BMP10: variants seen among roughly 807,000 people sequenced by gnomAD.
The protein encoded by BMP10 is bone morphogenetic protein 10.
A neutral mutation model predicts 29.9 loss-of-function variants in BMP10; 9 were observed. The ratio of observed to expected loss-of-function variants is 0.30; its 90% CI spans 0.18 to 0.53. The LOEUF is 0.53. Ranked by LOEUF, BMP10 falls within the 20% of genes least tolerant of loss-of-function variation. The probability of loss-of-function intolerance (pLI) is 0.96; values close to 1 mark genes in which losing one functional copy is unlikely to be tolerated. For synonymous variants in BMP10, 202 were observed against 200.2 expected (o/e 1.01, Z -0.07); for missense variants, 474 against 524.3 (o/e 0.90, Z 0.94).
At chr2:68,867,549 T>G (rs1229363978) in intron 1 of BMP10, among the ~76,000 whole-genome samples, 1 of 152,214 alleles carries the variant, frequency 6.6e-6, no homozygotes, top group East Asian at 1.9e-4. Flanking sequence ...AGAAGCATAC[T>G]TCCAAATACG....
In BMP10 at chr2:68,863,648, A is replaced by C. The variant is rs1409574631; in HGVS notation, c.*1983T>G. Among the ~76,000 whole-genome samples, 1 of 152,172 alleles carries C rather than the reference A, an allele frequency of 6.6e-6. No homozygotes were observed. The highest frequency in any genetic ancestry group is 2.4e-5 in the African/African-American group (1 of 41,436). ...AATCACTGTATACCCACTGACGGTC[A>C]AAACACCACTCTTCCATGAGCAATG... is the stretch of plus-strand genomic sequence containing the variant. On this transcript the variant is annotated 3_prime_UTR_variant, in exon 2 of 2. Transcript: ENST00000295379.
chr2:68,870,076 C>G (rs1285206041), intron 1 of BMP10, among the ~76,000 whole-genome samples: 1 of 152,182 alleles, frequency 6.6e-6, no homozygotes, highest in African/African-American at 2.4e-5. Context: ...TCACTATTAC[C>G]TTTCTTCTTT....
rs1682846016 is a variant in BMP10, at chr2:68,861,087, C to G, written c.*4544G>C. Among the ~76,000 whole-genome samples, 1 of 152,192 alleles carries G rather than the reference C, an allele frequency of 6.6e-6. No homozygotes were observed. Among genetic ancestry groups the G allele is most frequent in the African/African-American group, 2.4e-5 (1 of 41,446 alleles). On this transcript the variant is annotated 3_prime_UTR_variant, in exon 2 of 2. Transcript: ENST00000295379. ...TTTTTTTATTTTACTTAAAAAGACT[C>G]TGAAGGTACACATTTGGTTCATGAA... is the stretch of plus-strand genomic sequence containing the variant.
rs1241377381 is a variant in BMP10, at chr2:68,861,952, A to G, written c.*3679T>C. On this transcript the variant is annotated 3_prime_UTR_variant, in exon 2 of 2. Coordinates refer to ENST00000295379, the MANE Select transcript of BMP10 (RefSeq NM_014482.3). Reference sequence around the variant, plus strand: ...GTCCAATTACAAATGAATTTGACCAATCACATCTCTGAATTTCTGGGTCAG... The same window carrying G: ...GTCCAATTACAAATGAATTTGACCAGTCACATCTCTGAATTTCTGGGTCAG... Among the ~76,000 whole-genome samples the G allele has an allele frequency of 6.6e-6, 1 of 152,246 alleles. No individual in the cohort carries two copies. Among genetic ancestry groups the G allele is most frequent in the Non-Finnish European group, 1.5e-5 (1 of 68,046 alleles).
intron 1 of BMP10, among the ~76,000 whole-genome samples, chr2:68,867,018 T>G (rs148164516): frequency 0.013 from 2,041 of 152,312 alleles, 25 homozygotes; most frequent in Admixed American, 0.02. Flanking sequence ...TTTGTGTTTG[T>G]AGTGGGTGGA....
In BMP10 at chr2:68,864,142, T is replaced by A. The variant is rs571115873; in HGVS notation, c.*1489A>T. 1.4e-4 allele frequency among the ~76,000 whole-genome samples: 21 copies of A among 152,204 alleles called. No homozygotes were observed. The highest frequency in any genetic ancestry group is 5.1e-4 in the African/African-American group (21 of 41,536). ...CCTCACCACTTTCAGTCCTGGCCAG[T>A]TGCAAAATGGGAAGATGGTAAGATG... On this transcript the variant is annotated 3_prime_UTR_variant, in exon 2 of 2. Coordinates refer to ENST00000295379, the MANE Select transcript of BMP10 (RefSeq NM_014482.3).
Position 68,870,986 on chromosome 2 carries a change from GA to G in BMP10, c.334+38del, listed in dbSNP as rs1237772481. 3 of 1,559,338 alleles carry G rather than the reference GA, an allele frequency of 1.9e-6. No homozygotes were observed. In the East Asian group the frequency reaches 6.8e-5, roughly 35 times the overall value. Reference sequence around the variant, plus strand: ...ATTGTAAATTTACTTATTGTGTCTTGAAAAAAATCCTAGCAAAATTTCATCA... The same window carrying G: ...ATTGTAAATTTACTTATTGTGTCTTGAAAAAATCCTAGCAAAATTTCATCA... On this transcript the variant is annotated intron_variant, in intron 1 of 1. Coordinates refer to ENST00000295379, the MANE Select transcript of BMP10 (RefSeq NM_014482.3).
rs199707610 is a variant in BMP10 at position 68,866,013 on chromosome 2, G to A, written c.893C>T (p.Ala298Val). The A allele has an allele frequency of 8.7e-6, 14 of 1,614,050 alleles. No individual in the cohort carries two copies. The highest frequency in any genetic ancestry group is 1.7e-5 in the Admixed American group (1 of 60,002). Residue 298 changes from alanine to valine, a missense_variant, in exon 2 of 2, where the codon GCT becomes GTT. Coordinates refer to ENST00000295379, the MANE Select transcript of BMP10 (RefSeq NM_014482.3). Reference protein sequence around the residue: ...DSFSSGPGEEALLQMRSNIIY... With the variant: ...DSFSSGPGEEVLLQMRSNIIY... ...GATGTTTGATCTCATCTGCAACAAA[G>A]CCTCTTCCCCAGGTCCACTGGAAAA...
At chr2:68,866,802 TG>T (rs1229838971) in intron 1 of BMP10, among the ~76,000 whole-genome samples, 2 of 151,824 alleles carry the variant, frequency 1.3e-5, no homozygotes, top group Non-Finnish European at 2.9e-5. Context: ...AAATGGAAAA[TG>T]GGGGTCTAAT....
chr2:68,862,828 T>C lies in BMP10; in HGVS notation c.*2803A>G. The stretch of plus-strand genomic sequence containing the variant: ...AGCCAAAAAAATACAACTAGCAACA[T>C]TTGAATAACAATATGTTGCTCTCTG... On this transcript the variant is annotated 3_prime_UTR_variant, in exon 2 of 2. Coordinates refer to ENST00000295379, the MANE Select transcript of BMP10 (RefSeq NM_014482.3). 6.6e-6 allele frequency among the ~76,000 whole-genome samples: 1 copy of C among 152,160 alleles called. No individual in the cohort carries two copies. Among genetic ancestry groups the C allele is most frequent in the East Asian group, 1.9e-4 (1 of 5,198 alleles).
At position 68,861,818 on chromosome 2, in the gene BMP10, C is replaced by T. The variant is rs1340105198; in HGVS notation, c.*3813G>A. ...GTTCTTAAAAAAAAAAGGTTTTTGTCATTAATTCCCCGGACCAAAATTTAC... is the reference window on the plus strand; with the variant it reads ...GTTCTTAAAAAAAAAAGGTTTTTGTTATTAATTCCCCGGACCAAAATTTAC... On this transcript the variant is annotated 3_prime_UTR_variant, in exon 2 of 2. Transcript: ENST00000295379. 6.6e-6 allele frequency among the ~76,000 whole-genome samples: 1 copy of T among 152,062 alleles called. No individual in the cohort carries two copies. Among genetic ancestry groups the T allele is most frequent in the East Asian group, 1.9e-4 (1 of 5,198 alleles).
intron 1 of BMP10, 47 bp from the exon 2 acceptor site, chr2:68,866,618 G>T: frequency 6.9e-7 from 1 of 1,453,896 alleles, no homozygotes; most frequent in Non-Finnish European, 9.4e-7. Context: ...GGGTCTCAGG[G>T]AAAAACAGAT....
At chr2:68,871,001 A>G (rs749522067) in intron 1 of BMP10, 24 bp downstream of exon 1, 38 of 1,599,012 alleles carry the variant, frequency 2.4e-5, no homozygotes, top group Non-Finnish European at 3.3e-5. Context: ...AAATCCTAGC[A>G]AAATTTCATC....
In BMP10 at chr2:68,866,176, T is replaced by C. The variant is rs564324708; in HGVS notation, c.730A>G (p.Ser244Gly). ...AAAGGGTTATGCTTATTCTGGGCAC[T>C]GGTATCTATTTCTAGCCGTCCACTG... ...ASSGRLEIDT[S>G]AQNKHNPLLI... Residue 244 changes from serine to glycine, a missense_variant, in exon 2 of 2, where the codon AGT becomes GGT. By Grantham distance (56) the Ser-to-Gly change is moderately conservative. Coordinates refer to ENST00000295379, the MANE Select transcript of BMP10 (RefSeq NM_014482.3). 19 of 1,614,084 alleles carry C rather than the reference T, an allele frequency of 1.2e-5. No individual in the cohort carries two copies. The East Asian group carries it at 2.5e-4, about 21-fold the overall frequency.
In BMP10 at chr2:68,871,136, C is replaced by T. The variant is rs748398969; in HGVS notation, c.223G>A (p.Asp75Asn). The T allele has an allele frequency of 1.2e-6, 2 of 1,614,158 alleles. No individual in the cohort carries two copies. Among genetic ancestry groups the T allele is most frequent in the Non-Finnish European group, 1.7e-6 (2 of 1,180,034 alleles). The change falls in exon 1 of 2, where the codon GAT becomes AAT. Residue 75 changes from aspartate (D) to asparagine (N), a missense_variant. Around this residue, in one of 2 missense-constraint regions of BMP10, gnomAD observed 408 missense variants for 415.3 expected, o/e 0.98. Coordinates refer to ENST00000295379, the MANE Select transcript of BMP10 (RefSeq NM_014482.3). ...TLNLSDIPTQ[D>N]SAKVDPPEYM... Reference sequence around the variant, plus strand: ...TCTGGTGGGTCCACCTTGGCTGAATCCTGCGTGGGGATGTCAGAGAGGTTT... The same window carrying T: ...TCTGGTGGGTCCACCTTGGCTGAATTCTGCGTGGGGATGTCAGAGAGGTTT...
At chr2:68,867,496 C>T (rs1682986484) in intron 1 of BMP10, among the ~76,000 whole-genome samples, 1 of 152,176 alleles carries the variant, frequency 6.6e-6, no homozygotes, top group Non-Finnish European at 1.5e-5. Flanking sequence ...ATAACTCACT[C>T]AATAATGTTT....
rs1215170166 is a variant in BMP10 at position 68,866,146 on chromosome 2, T to C, written c.760A>G (p.Ile254Val). 1.4e-5 allele frequency: 23 copies of C among 1,613,968 alleles called. No individual in the cohort carries two copies. Among genetic ancestry groups the C allele is most frequent in the African/African-American group, 2.7e-5 (2 of 74,916 alleles). ...CTGCTTTGGTCATCAGAAAACACGA[T>C]GAGCAAAGGGTTATGCTTATTCTGG... is the stretch of plus-strand genomic sequence containing the variant. Reference protein sequence around the residue: ...SAQNKHNPLLIVFSDDQSSDK... With the variant: ...SAQNKHNPLLVVFSDDQSSDK... The change falls in exon 2 of 2, where the codon ATC (isoleucine) becomes GTC (valine). Residue 254 changes from isoleucine (I) to valine (V), a missense_variant. This residue lies in a region of BMP10 where 408 missense variants were observed against 415.3 expected (regional missense o/e 0.98). Coordinates refer to ENST00000295379, the MANE Select transcript of BMP10 (RefSeq NM_014482.3).
chr2:68,865,454 A>C lies in BMP10; in HGVS notation c.*177T>G, dbSNP rs1214651821. On this transcript the variant is annotated 3_prime_UTR_variant, in exon 2 of 2. Coordinates refer to ENST00000295379, the MANE Select transcript of BMP10 (RefSeq NM_014482.3). This position sits in a 1 kb window ranked among gnomAD's most constrained non-coding sequence, Gnocchi z 4.7. ...GAAATGGCAAGTCCAAAGAGAAAACAGATTGAAAGGGACTTAACTGGAGAG... is the reference window on the plus strand; with the variant it reads ...GAAATGGCAAGTCCAAAGAGAAAACCGATTGAAAGGGACTTAACTGGAGAG... 1 of 662,710 alleles carries C rather than the reference A, an allele frequency of 1.5e-6. No homozygotes were observed. The highest frequency in any genetic ancestry group is 1.8e-5 in the African/African-American group (1 of 55,282). 41.1% of individuals were successfully genotyped at this position (662,710 alleles called of 1,614,324 possible). A position where few individuals can be genotyped will look rare whatever the true frequency, so the allele number is the denominator to read the frequency against.
chr2:68,865,917 A>C lies in BMP10; in HGVS notation c.989T>G (p.Ile330Ser). Reference sequence around the variant, plus strand: ...GTCCCACCCAATCTCCTTGAAGTCGATGTAGAGCGGGGTCCTCTTACAGTA... The same window carrying C: ...GTCCCACCCAATCTCCTTGAAGTCGCTGTAGAGCGGGGTCCTCTTACAGTA... ...GNYCKRTPLY[I>S]DFKEIGWDSW... Residue 330 changes from isoleucine (I) to serine (S), a missense_variant, in exon 2 of 2, where the codon ATC (isoleucine) becomes AGC (serine). Transcript: ENST00000295379. The surrounding 1 kb of genome is among the most constrained non-coding windows in gnomAD (Gnocchi z 4.7). 1 of 1,614,044 alleles carries C rather than the reference A, an allele frequency of 6.2e-7. No individual in the cohort carries two copies. Among genetic ancestry groups the C allele is most frequent in the Non-Finnish European group, 8.5e-7 (1 of 1,179,988 alleles).
Sources: gnomAD v4.1 joint callset for allele counts (sites outside exome capture counted in the v4.1 genomes callset) on GRCh38, gnomAD v4.1.1 for gene constraint, gnomAD v4.1.1 regional missense constraint, Gnocchi (gnomAD v3.1) non-coding constraint, MANE v1.5 for transcripts, NCBI Gene and HGNC (gene_info 2026-07-23, HGNC 2026-07-21) for gene names.